The following SP1 variants were observed in gnomAD, a reference collection of about 807,000 sequenced individuals.
SP1 encodes the protein transcription factor Sp1.
A neutral mutation model predicts 66.3 loss-of-function variants in SP1; 6 were observed. That is an observed-to-expected ratio of 0.09 (90% CI 0.05 to 0.18). The LOEUF (loss-of-function observed/expected upper bound fraction) is 0.18. Ranked by LOEUF, SP1 falls within the 10% of genes least tolerant of loss-of-function variation. The pLI, the probability that SP1 is intolerant of heterozygous loss-of-function variation, is 1.00. For synonymous variants in SP1, 417 were observed against 360.8 expected (o/e 1.16, Z -1.77); for missense variants, 848 against 964.5 (o/e 0.88, Z 1.60).
intron 3 of SP1, among the ~76,000 whole-genome samples, chr12:53,401,338 G>C (rs1026124764): frequency 7.3e-5 from 11 of 150,790 alleles, no homozygotes; most frequent in Non-Finnish European, 1.0e-4. Context: ...GTAATCCCAG[G>C]TATTCAGGAG....
chr12:53,402,241 A>G (rs1208314133), intron 3 of SP1, among the ~76,000 whole-genome samples: 1 of 118,410 alleles, frequency 8.4e-6, no homozygotes, highest in African/African-American at 3.3e-5. Context: ...TTTTTTTTTT[A>G]AGACGGAGTT....
chr12:53,401,354 G>A (rs1336893339), intron 3 of SP1, among the ~76,000 whole-genome samples: 1 of 151,188 alleles, frequency 6.6e-6, no homozygotes, highest in Non-Finnish European at 1.5e-5. Flanking sequence ...AGGAGGCTGA[G>A]GCAGGAGAAT....
chr12:53,380,625 G>A (rs1938065546), intron 1 of SP1: 1 of 1,005,366 alleles, frequency 9.9e-7, no homozygotes, highest in African/African-American at 1.7e-5. Context: ...TGGAGCCGCG[G>A]GGGCGGCCCG....
In SP1 at chr12:53,383,072, A is replaced by G. The variant is rs149094912; in HGVS notation, c.1125A>G (p.Thr375=). The G allele has an allele frequency of 1.1e-5, 17 of 1,614,090 alleles. No individual in the cohort carries two copies. Among genetic ancestry groups the G allele is most frequent in the South Asian group, 3.3e-5 (3 of 91,090 alleles). ...CTCTGAACATCCAGCAAAACCAGAC[A>G]TCTGGAGGCTCATTGCAAGCAGGCC... The part of the protein sequence containing the change: ...SDALNIQQNQ[T]SGGSLQAGQQ... Residue 375 remains threonine (T), a synonymous_variant, in exon 3 of 6, where the codon ACA becomes ACG. Transcript: ENST00000327443.
intron 1 of SP1, chr12:53,381,381 A>C (rs758356434): frequency 3.7e-6 from 1 of 267,056 alleles, no homozygotes; most frequent in Non-Finnish European, 7.0e-6. Context: ...CACCATGCCT[A>C]CCGTCCTTCA....
intron 3 of SP1, among the ~76,000 whole-genome samples, chr12:53,394,323 C>A (rs571610824): frequency 6.0e-4 from 78 of 129,904 alleles, no homozygotes; most frequent in African/African-American, 1.5e-3. Context: ...GATAAAAAGC[C>A]CTTAACTGTG....
intron 4 of SP1, among the ~76,000 whole-genome samples, chr12:53,408,158 A>G (rs1938790058): frequency 2.1e-5 from 3 of 142,324 alleles, no homozygotes; most frequent in Non-Finnish European, 4.6e-5. Context: ...AGGTAGGAGA[A>G]TTGCTCGAAC....
chr12:53,407,012 G>C (rs1018744878), intron 4 of SP1, among the ~76,000 whole-genome samples: 1 of 151,902 alleles, frequency 6.6e-6, no homozygotes, highest in African/African-American at 2.4e-5. Context: ...TTTTAGTAGA[G>C]ACAGGGTTTC....
At chr12:53,401,609 T>G (rs1462954779) in intron 3 of SP1, among the ~76,000 whole-genome samples, 1 of 152,158 alleles carries the variant, frequency 6.6e-6, no homozygotes, top group Non-Finnish European at 1.5e-5. Flanking sequence ...TAAGAAAATA[T>G]GATTTGGGGC....
chr12:53,381,543 G>A (rs1277883254), intron 1 of SP1, 116 bp from the exon 2 acceptor site: 7 of 882,398 alleles, frequency 7.9e-6, no homozygotes, highest in Non-Finnish European at 1.0e-5. Flanking sequence ...TCTTTATACT[G>A]GTGGCTTTCG....
chr12:53,392,388 G>C (rs1443715040), intron 3 of SP1, among the ~76,000 whole-genome samples: 2 of 110,714 alleles, frequency 1.8e-5, no homozygotes, highest in African/African-American at 7.4e-5. Context: ...ACGGAGTCTC[G>C]CTCTGTCGCC....
intron 3 of SP1, among the ~76,000 whole-genome samples, chr12:53,397,884 A>G (rs975290523): frequency 2.6e-5 from 4 of 152,116 alleles, no homozygotes; most frequent in Admixed American, 6.6e-5. Context: ...ATCCTAGTTC[A>G]TGAAACACAA....
intron 3 of SP1, among the ~76,000 whole-genome samples, chr12:53,388,074 TG>T (rs1938269586): frequency 1.3e-5 from 2 of 152,182 alleles, no homozygotes; most frequent in Non-Finnish European, 2.9e-5. Context: ...TTTATAAAAA[TG>T]TTTTATAAAC....
rs1001079639 is a variant in SP1, at chr12:53,400,765, T to C, written c.1676-5820T>C. 4.1e-5 allele frequency among the ~76,000 whole-genome samples: 6 copies of C among 145,866 alleles called. No homozygotes were observed. The East Asian group carries it at 1.2e-3, about 29-fold the overall frequency. ...CACCACACTGGGCTAATTTTTTTTT[T>C]TTTTTTTTTTTTTTGAGACAGAGTC... is the stretch of plus-strand genomic sequence containing the variant. On this transcript the variant is annotated intron_variant, in intron 3 of 5. Coordinates refer to ENST00000327443, the MANE Select transcript of SP1 (RefSeq NM_138473.3).
chr12:53,411,671 T>C lies in SP1; in HGVS notation c.*431T>C, dbSNP rs1938892618. The C allele has an allele frequency of 6.8e-6, 1 of 148,028 alleles. No homozygotes were observed. Among genetic ancestry groups the C allele is most frequent in the Non-Finnish European group, 1.5e-5 (1 of 67,186 alleles). 9.2% of individuals were successfully genotyped at this position (148,028 alleles called of 1,614,324 possible). A position where few individuals can be genotyped will look rare whatever the true frequency, so the allele number is the denominator to read the frequency against. ...CTATATTATTATATATATATATATA[T>C]ATATAAAGATATATAGAGATGCATT... On this transcript the variant is annotated 3_prime_UTR_variant, in exon 6 of 6. Transcript: ENST00000327443.
At chr12:53,401,993 TA>T (rs1938618805) in intron 3 of SP1, among the ~76,000 whole-genome samples, 1 of 152,196 alleles carries the variant, frequency 6.6e-6, no homozygotes, top group African/African-American at 2.4e-5. Flanking sequence ...ATGAAGTTGA[TA>T]ATTGGTCGCA....
chr12:53,387,060 T>C (rs1017269569), intron 3 of SP1, among the ~76,000 whole-genome samples: 3 of 150,474 alleles, frequency 2.0e-5, no homozygotes, highest in African/African-American at 7.4e-5. Context: ...AAGCAATTCT[T>C]CTGCCTCAGC....
intron 3 of SP1, among the ~76,000 whole-genome samples, chr12:53,396,715 C>A (rs1256265929): frequency 6.6e-6 from 1 of 152,098 alleles, no homozygotes; most frequent in African/African-American, 2.4e-5. Flanking sequence ...AAGTTGCAGA[C>A]AAATGTATGA....
chr12:53,394,637 C>T (rs140572253), intron 3 of SP1, among the ~76,000 whole-genome samples: 9,350 of 101,004 alleles, frequency 0.093, 514 homozygotes, highest in Middle Eastern at 0.23. Flanking sequence ...TTTTTTGAGA[C>T]GCAGTCTCGC....
Sources: allele counts gnomAD v4.1 joint callset (sites outside exome capture counted in the v4.1 genomes callset), GRCh38; gene constraint gnomAD v4.1.1; transcripts MANE v1.5; gene names NCBI Gene and HGNC (gene_info 2026-07-23, HGNC 2026-07-21).